ZFR: variants seen among roughly 807,000 people sequenced by gnomAD.
The protein encoded by ZFR is zinc finger RNA-binding protein.
Under a neutral mutation model 130.7 loss-of-function variants are expected in ZFR, and 19 were observed. The observed-to-expected ratio is 0.15, with a 90% confidence interval of 0.10 to 0.21. The LOEUF is 0.21. Ranked by LOEUF, ZFR falls within the 10% of genes least tolerant of loss-of-function variation. ZFR has a pLI of 1.00. For synonymous variants in ZFR, 466 were observed against 456.9 expected (o/e 1.02, Z -0.25); for missense variants, 872 against 1,321.5 (o/e 0.66, Z 5.27).
chr5:32,377,412 C>T (rs1402068362), intron 17 of ZFR, among the ~76,000 whole-genome samples: 1 of 151,098 alleles, frequency 6.6e-6, no homozygotes, highest in Non-Finnish European at 1.5e-5. Flanking sequence ...GATCTTCTGA[C>T]CTTGTGATCC....
chr5:32,441,431 T>TA (rs981658667), intron 2 of ZFR, among the ~76,000 whole-genome samples: 5 of 151,656 alleles, frequency 3.3e-5, no homozygotes, highest in Non-Finnish European at 7.4e-5. Flanking sequence ...AATCCATACA[T>TA]AAAGTCCCAC....
At position 32,367,956 on chromosome 5, in the gene ZFR, T is replaced by A. The variant is rs138540635; in HGVS notation, c.2836-3681A>T. On this transcript the variant is annotated intron_variant, in intron 17 of 19. Coordinates refer to ENST00000265069, the MANE Select transcript of ZFR (RefSeq NM_016107.5). ...GATAAAGCTGAGATTTGAACCCAGGTCTTTCTGAAATCAAAATAATGCTTT... is the reference window on the plus strand; with the variant it reads ...GATAAAGCTGAGATTTGAACCCAGGACTTTCTGAAATCAAAATAATGCTTT... Among the ~76,000 whole-genome samples, 36 of 152,336 alleles carry A rather than the reference T, an allele frequency of 2.4e-4. No homozygotes were observed. In the East Asian group the frequency reaches 6.9e-3, roughly 29 times the overall value.
At chr5:32,403,785 G>A (rs1413587550) in intron 7 of ZFR, 121 bp downstream of exon 7, 22 of 845,658 alleles carry the variant, frequency 2.6e-5, no homozygotes, top group Non-Finnish European at 3.3e-5. Context: ...TAGCACATAA[G>A]CAAGGCTTAT....
chr5:32,414,060 C>T (rs961311759), intron 5 of ZFR, among the ~76,000 whole-genome samples: 4 of 152,166 alleles, frequency 2.6e-5, no homozygotes, highest in African/African-American at 9.7e-5. Flanking sequence ...TCTGCAGCTC[C>T]CTTTCTGCCC....
At chr5:32,358,639 A>G (rs989630395) in intron 19 of ZFR, among the ~76,000 whole-genome samples, 29 of 152,140 alleles carry the variant, frequency 1.9e-4, no homozygotes, top group Admixed American at 1.5e-3. Flanking sequence ...CAAAGAAAAA[A>G]AAAAATTTAA....
At chr5:32,383,634 T>C (rs1752979571) in intron 15 of ZFR, 5 of 361,612 alleles carry the variant, frequency 1.4e-5, no homozygotes, top group Admixed American at 6.6e-5. Flanking sequence ...GTAACTCTCA[T>C]GATTTACAAT....
At chr5:32,379,462 TG>T (rs1752891477) in intron 16 of ZFR, 2 of 407,314 alleles carry the variant, frequency 4.9e-6, no homozygotes, top group African/African-American at 4.3e-5. Context: ...CTGTGAACCT[TG>T]ACCTGTGTTC....
Position 32,403,198 on chromosome 5 carries a change from G to C in ZFR, c.1424C>G (p.Ser475Trp). The C allele has an allele frequency of 6.2e-7, 1 of 1,614,172 alleles. No individual in the cohort carries two copies. Among genetic ancestry groups the C allele is most frequent in the Non-Finnish European group, 8.5e-7 (1 of 1,180,006 alleles). The change falls in exon 8 of 20, where the codon TCG (serine) becomes TGG (tryptophan). Residue 475 changes from serine (S) to tryptophan (W), a missense_variant. Physicochemically the swap from Ser to Trp is radical, Grantham distance 177. Transcript: ENST00000265069. ...SMKGLTTTGN[S>W]SLNSTSNTKV... ...AGTGTTAGATGTGCTATTAAGAGACGAGTTTCCTGTAGTCGTAAGACCCTT... is the reference window on the plus strand; with the variant it reads ...AGTGTTAGATGTGCTATTAAGAGACCAGTTTCCTGTAGTCGTAAGACCCTT...
Position 32,429,233 on chromosome 5 carries a change from G to A in ZFR, c.138-9130C>T, listed in dbSNP as rs555229476. On this transcript the variant is annotated intron_variant, in intron 2 of 19. Coordinates refer to ENST00000265069, the MANE Select transcript of ZFR (RefSeq NM_016107.5). ...GATCTCCTGACCTCGTGATCTGCCC[G>A]GCTTGGCCTCCCAAAGCGCTGGGAT... 9.9e-5 allele frequency among the ~76,000 whole-genome samples: 15 copies of A among 152,156 alleles called. No individual in the cohort carries two copies. In the South Asian group the frequency reaches 1.0e-3, roughly 11 times the overall value.
intron 17 of ZFR, among the ~76,000 whole-genome samples, chr5:32,372,496 G>C (rs1484529141): frequency 3.3e-5 from 5 of 152,060 alleles, no homozygotes; most frequent in Non-Finnish European, 7.4e-5. Context: ...TGCCACCAGA[G>C]ACAGCAACAT....
chr5:32,399,703 T>C (rs1252877700), intron 9 of ZFR, among the ~76,000 whole-genome samples: 1 of 152,190 alleles, frequency 6.6e-6, no homozygotes, highest in Non-Finnish European at 1.5e-5. Flanking sequence ...ACTTTTAAAG[T>C]TTTATGATAG....
chr5:32,373,397 A>G lies in ZFR; in HGVS notation c.2835+5718T>C, dbSNP rs1479405389. 2.0e-5 allele frequency among the ~76,000 whole-genome samples: 3 copies of G among 152,144 alleles called. No homozygotes were observed. The East Asian group carries it at 5.8e-4, about 29-fold the overall frequency. On this transcript the variant is annotated intron_variant, in intron 17 of 19. Coordinates refer to ENST00000265069, the MANE Select transcript of ZFR (RefSeq NM_016107.5). ...GACAGAGCAACACTCTGTCTCGGGGAAAGGGTGGGGAAATAAAATTCCCTC... is the reference window on the plus strand; with the variant it reads ...GACAGAGCAACACTCTGTCTCGGGGGAAGGGTGGGGAAATAAAATTCCCTC...
chr5:32,360,493 G>A (rs1175313964), intron 19 of ZFR, among the ~76,000 whole-genome samples: 1 of 152,156 alleles, frequency 6.6e-6, no homozygotes, highest in Non-Finnish European at 1.5e-5. Context: ...ATCATAGCAT[G>A]TGTCAGTACT....
intron 17 of ZFR, among the ~76,000 whole-genome samples, chr5:32,366,314 G>A (rs949588977): frequency 3.3e-5 from 5 of 152,180 alleles, no homozygotes; most frequent in African/African-American, 4.8e-5. Flanking sequence ...CAAATGTTAT[G>A]AGAAAAGTGA....
At chr5:32,430,064 A>G in intron 2 of ZFR, among the ~76,000 whole-genome samples, 1 of 134,672 alleles carries the variant, frequency 7.4e-6, no homozygotes. Flanking sequence ...TGGGTGACAG[A>G]GTGAGACCCT....
intron 2 of ZFR, among the ~76,000 whole-genome samples, chr5:32,439,015 A>C (rs1754401619): frequency 6.6e-6 from 1 of 152,228 alleles, no homozygotes; most frequent in South Asian, 2.1e-4. Flanking sequence ...GTGTACTATA[A>C]GGCAGTTTAC....
chr5:32,372,163 CA>C (rs1752681716), intron 17 of ZFR, among the ~76,000 whole-genome samples: 2 of 152,182 alleles, frequency 1.3e-5, no homozygotes, highest in South Asian at 4.1e-4. Flanking sequence ...TACTCCTTTT[CA>C]TAAGCAATCC....
chr5:32,411,339 T>G (rs1448657984), intron 5 of ZFR, among the ~76,000 whole-genome samples: 1 of 152,166 alleles, frequency 6.6e-6, no homozygotes, highest in African/African-American at 2.4e-5. Flanking sequence ...GATTATAATA[T>G]AGTCGCTCTC....
intron 12 of ZFR, 61 bp from the exon 13 acceptor site, chr5:32,388,735 T>C: frequency 2.2e-6 from 3 of 1,368,802 alleles, no homozygotes; most frequent in Non-Finnish European, 3.0e-6. Flanking sequence ...GCAAATTATA[T>C]TTTTCAACTA....
Sources: gnomAD v4.1 joint callset for allele counts (sites outside exome capture counted in the v4.1 genomes callset) on GRCh38, gnomAD v4.1.1 for gene constraint, MANE v1.5 for transcripts, NCBI Gene and HGNC (gene_info 2026-07-23, HGNC 2026-07-21) for gene names.